Variants in P4HA3 observed in about 807,000 individuals in gnomAD.
P4HA3 encodes prolyl 4-hydroxylase subunit alpha-3.
A neutral mutation model predicts 66.7 loss-of-function variants in P4HA3; 60 were observed. That is an observed-to-expected ratio of 0.90 (90% confidence interval 0.73 to 1.12). The LOEUF is 1.12. Among genes scored for constraint, P4HA3 ranks in the 50% most tolerant of loss-of-function variants. P4HA3 has a pLI of 0.00. For missense variants in P4HA3, 683 were observed against 685.8 expected (o/e 1.00, Z 0.05); for synonymous variants, 263 against 274.6 (o/e 0.96, Z 0.42).
chr11:74,291,439 C>T (rs1048417998), intron 4 of P4HA3, among the ~76,000 whole-genome samples: 1 of 152,146 alleles, frequency 6.6e-6, no homozygotes, highest in African/African-American at 2.4e-5. Context: ...CCCTTTATTT[C>T]CTTCTCCTGC....
At chr11:74,278,838 A>T (rs1224857551) in intron 8 of P4HA3, among the ~76,000 whole-genome samples, 1 of 151,992 alleles carries the variant, frequency 6.6e-6, no homozygotes, top group Non-Finnish European at 1.5e-5. Flanking sequence ...GCCTCCCCCC[A>T]AGGATGCTGA....
chr11:74,295,741 G>A (rs2134798677), intron 4 of P4HA3, among the ~76,000 whole-genome samples: 1 of 152,096 alleles, frequency 6.6e-6, no homozygotes, highest in South Asian at 2.1e-4. Flanking sequence ...CAGAAGATAG[G>A]CCACAGAGAA....
chr11:74,285,111 A>G (rs1006366657), intron 7 of P4HA3, among the ~76,000 whole-genome samples: 7 of 152,044 alleles, frequency 4.6e-5, no homozygotes, highest in Non-Finnish European at 7.4e-5. Flanking sequence ...ATAATAATAT[A>G]CTGTAATAAA....
chr11:74,263,347 A>T (rs1350449107), downstream of P4HA3, among the ~76,000 whole-genome samples: 2 of 152,260 alleles, frequency 1.3e-5, no homozygotes, highest in Non-Finnish European at 2.9e-5. Flanking sequence ...CAGTGGCACA[A>T]GGGATAGACC....
intron 2 of P4HA3, among the ~76,000 whole-genome samples, chr11:74,303,861 G>T (rs1306303291): frequency 6.6e-6 from 1 of 152,146 alleles, no homozygotes; most frequent in East Asian, 1.9e-4. Context: ...TGCAATACAG[G>T]TGTGAGCCAC....
At chr11:74,268,496 G>C (rs1860075532) in intron 11 of P4HA3, among the ~76,000 whole-genome samples, 1 of 152,232 alleles carries the variant, frequency 6.6e-6, no homozygotes, top group Non-Finnish European at 1.5e-5. Flanking sequence ...CTCTCCAGGA[G>C]CTCACAAGAA....
intron 9 of P4HA3, among the ~76,000 whole-genome samples, chr11:74,274,842 A>T (rs1469388527): frequency 6.6e-6 from 1 of 152,110 alleles, no homozygotes; most frequent in Non-Finnish European, 1.5e-5. Context: ...CCACATCCTC[A>T]CCACCACTTG....
downstream of P4HA3, among the ~76,000 whole-genome samples, chr11:74,263,065 T>C (rs1047026413): frequency 6.6e-6 from 1 of 152,218 alleles, no homozygotes; most frequent in Admixed American, 6.5e-5. Flanking sequence ...ATTCTGGCCA[T>C]AGGGCCCTAC....
At chr11:74,302,089 G>GAT (rs1259610494) in intron 3 of P4HA3, among the ~76,000 whole-genome samples, 1 of 152,098 alleles carries the variant, frequency 6.6e-6, no homozygotes, top group Non-Finnish European at 1.5e-5. Context: ...AATCTCAAGA[G>GAT]TGTTCTAAGT....
intron 1 of P4HA3, among the ~76,000 whole-genome samples, chr11:74,309,959 G>A (rs1440927140): frequency 1.3e-5 from 2 of 152,108 alleles, no homozygotes; most frequent in Non-Finnish European, 2.9e-5. Flanking sequence ...ATGGGTTTGG[G>A]GGTCACACTG....
At chr11:74,265,424 C>A (rs1859975309), downstream of P4HA3, among the ~76,000 whole-genome samples, 1 of 152,324 alleles carries the variant, frequency 6.6e-6, no homozygotes, top group East Asian at 1.9e-4. Flanking sequence ...AAGCTGAGGT[C>A]ATATGGGCTT....
At chr11:74,301,987 T>C (rs1381863398) in intron 3 of P4HA3, among the ~76,000 whole-genome samples, 2 of 152,182 alleles carry the variant, frequency 1.3e-5, no homozygotes, top group African/African-American at 2.4e-5. Context: ...CAGGAGTTCA[T>C]GCACTGGCAG....
chr11:74,269,866 GAGGAA>G, intron 10 of P4HA3, 146 bp from the exon 11 acceptor site: 2 of 843,028 alleles, frequency 2.4e-6, no homozygotes. Flanking sequence ...TCCAACTCAG[GAGGAA>G]CTTCGGGAGC....
At chr11:74,288,520 G>C (rs534122831) in intron 5 of P4HA3, among the ~76,000 whole-genome samples, 16 of 152,234 alleles carry the variant, frequency 1.1e-4, no homozygotes, top group African/African-American at 3.6e-4. Context: ...ATCATTGATT[G>C]GTTGGAAGAA....
intron 4 of P4HA3, 110 bp downstream of exon 4, chr11:74,298,102 A>G (rs1861284908): frequency 2.2e-6 from 3 of 1,365,064 alleles, no homozygotes; most frequent in African/African-American, 1.4e-5. Flanking sequence ...GTTTGGTCCT[A>G]TTGGGAAGAT....
intron 15 of P4HA3, chr11:74,256,043 T>A (rs1201074279): frequency 3.6e-5 from 17 of 476,308 alleles, no homozygotes; most frequent in Non-Finnish European, 6.0e-5. Flanking sequence ...TGTCATCTAA[T>A]TCACTTGACA....
At chr11:74,254,306 A>G (rs879076822) in intron 15 of P4HA3, 1 of 152,804 alleles carries the variant, frequency 6.5e-6, no homozygotes, top group South Asian at 2.1e-4. Context: ...GTTTTTAATC[A>G]TCAAATTTAA....
At chr11:74,277,580 A>G (rs1860444582) in intron 8 of P4HA3, among the ~76,000 whole-genome samples, 1 of 152,240 alleles carries the variant, frequency 6.6e-6, no homozygotes, top group Admixed American at 6.5e-5. Context: ...AATTGGGATG[A>G]TAATAATATC....
At chr11:74,253,619 C>T in intron 15 of P4HA3, 2 of 1,265,604 alleles carry the variant, frequency 1.6e-6, no homozygotes, top group South Asian at 2.4e-5. Context: ...CCATGTGACA[C>T]TGGCTCCCGG....
Sources: allele counts gnomAD v4.1 joint callset (sites outside exome capture counted in the v4.1 genomes callset), GRCh38; gene constraint gnomAD v4.1.1; transcripts MANE v1.5; gene names NCBI Gene and HGNC (gene_info 2026-07-23, HGNC 2026-07-21).